RASSF9: variants seen among roughly 807,000 people sequenced by gnomAD.
RASSF9 encodes ras association domain-containing protein 9.
RASSF9 carries 18 observed loss-of-function variants against 21.4 expected under a neutral mutation model. That is an observed-to-expected ratio of 0.84 (90% CI 0.58 to 1.25). The LOEUF (loss-of-function observed/expected upper bound fraction) is 1.25. RASSF9 is among the 50% of genes most tolerant of loss of function. RASSF9 has a pLI of 0.00. For missense variants in RASSF9, 480 were observed against 503.2 expected, an observed-to-expected ratio of 0.95 and a Z score of 0.44; for synonymous variants, 183 against 179.1, an observed-to-expected ratio of 1.02 and a Z score of -0.18.
Position 85,811,493 on chromosome 12 carries a change from C to G in RASSF9, c.48-5531G>C, listed in dbSNP as rs564451048. Among the ~76,000 whole-genome samples the G allele has an allele frequency of 2.6e-5, 4 of 151,932 alleles. No individual in the cohort carries two copies. In the East Asian group the frequency reaches 7.7e-4, roughly 29 times the overall value. On this transcript the variant is annotated intron_variant, in intron 1 of 1. Transcript: ENST00000361228. ...GGATTATGGGATTCCAAATTTATTACTCCTGTGTTACATTATAGAGGAAAA... is the reference window on the plus strand; with the variant it reads ...GGATTATGGGATTCCAAATTTATTAGTCCTGTGTTACATTATAGAGGAAAA...
intron 1 of RASSF9, among the ~76,000 whole-genome samples, chr12:85,808,936 A>G: frequency 6.6e-6 from 1 of 152,274 alleles, no homozygotes; most frequent in African/African-American, 2.4e-5. Context: ...TTAAATTCTA[A>G]AAGAAACCCT....
At chr12:85,808,908 A>AT (rs1349886811) in intron 1 of RASSF9, among the ~76,000 whole-genome samples, 2 of 152,084 alleles carry the variant, frequency 1.3e-5, no homozygotes, top group South Asian at 2.1e-4. Flanking sequence ...GTTTTATGTT[A>AT]TTTTTTGGTA....
rs373281824 is a variant in RASSF9 at position 85,833,700 on chromosome 12, T to C, written c.47+2455A>G. 3.9e-5 allele frequency among the ~76,000 whole-genome samples: 6 copies of C among 152,116 alleles called. No homozygotes were observed. The South Asian group carries it at 6.2e-4, about 16-fold the overall frequency. On this transcript the variant is annotated intron_variant, in intron 1 of 1. Transcript: ENST00000361228. ...TCTAACAGTTCATATATTTTCCTGC[T>C]GATAAAGATGCAATTATGCTCAAGT...
chr12:85,805,228 C>T lies in RASSF9; in HGVS notation c.782G>A (p.Ser261Asn), dbSNP rs1190556877. Reference protein sequence around the residue: ...YEENQTLEDLSESDGIEQLEE... With the variant: ...YEENQTLEDLNESDGIEQLEE... ...CAGCTGTTCAATTCCATCACTTTCG[C>T]TCAGGTCCTCCAGAGTCTGGTTTTC... The change falls in exon 2 of 2, where the codon AGC (serine) becomes AAC (asparagine). Residue 261 changes from serine to asparagine, a missense_variant. By Grantham distance (46) the Ser-to-Asn change is conservative. Coordinates refer to ENST00000361228, the MANE Select transcript of RASSF9 (RefSeq NM_005447.4). The T allele has an allele frequency of 6.2e-7, 1 of 1,613,782 alleles. No homozygotes were observed.
At chr12:85,807,743 T>G (rs1360724796) in intron 1 of RASSF9, among the ~76,000 whole-genome samples, 1 of 152,004 alleles carries the variant, frequency 6.6e-6, no homozygotes. Flanking sequence ...AAAAAACACT[T>G]CAGTTCTCTG....
intron 1 of RASSF9, among the ~76,000 whole-genome samples, chr12:85,821,231 G>GA (rs1317498563): frequency 6.6e-6 from 1 of 152,088 alleles, no homozygotes; most frequent in Non-Finnish European, 1.5e-5. Context: ...AATCACCTCA[G>GA]AAAAAATGAA....
At chr12:85,819,412 T>C (rs1182280777) in intron 1 of RASSF9, among the ~76,000 whole-genome samples, 1 of 152,132 alleles carries the variant, frequency 6.6e-6, no homozygotes, top group Non-Finnish European at 1.5e-5. Flanking sequence ...AATACGAAAA[T>C]TTAAAATGAC....
At chr12:85,825,736 T>C (rs1470377033) in intron 1 of RASSF9, among the ~76,000 whole-genome samples, 1 of 152,126 alleles carries the variant, frequency 6.6e-6, no homozygotes, top group Non-Finnish European at 1.5e-5. Flanking sequence ...ACAAGTTTTC[T>C]CTGTACCATT....
At chr12:85,815,759 T>C (rs1880050782) in intron 1 of RASSF9, among the ~76,000 whole-genome samples, 1 of 152,136 alleles carries the variant, frequency 6.6e-6, no homozygotes, top group South Asian at 2.1e-4. Context: ...AAGTATCTGT[T>C]CATGTCATTG....
At chr12:85,810,966 A>C (rs889586620) in intron 1 of RASSF9, among the ~76,000 whole-genome samples, 1 of 151,782 alleles carries the variant, frequency 6.6e-6, no homozygotes, top group African/African-American at 2.4e-5. Context: ...ACATTGCTTT[A>C]TTTTGTTTCT....
chr12:85,806,753 T>A (rs1879846419), intron 1 of RASSF9, among the ~76,000 whole-genome samples: 1 of 150,370 alleles, frequency 6.7e-6, no homozygotes, highest in African/African-American at 2.4e-5. Context: ...AGAATCTTAA[T>A]TATCTTTTTA....
intron 1 of RASSF9, among the ~76,000 whole-genome samples, chr12:85,819,043 T>C (rs528580001): frequency 6.6e-6 from 1 of 151,942 alleles, no homozygotes; most frequent in South Asian, 2.1e-4. Flanking sequence ...GAATTGCCCG[T>C]TCAATTCAGA....
chr12:85,835,290 A>T (rs114650036), intron 1 of RASSF9, among the ~76,000 whole-genome samples: 4,174 of 152,196 alleles, frequency 0.027, 212 homozygotes, highest in African/African-American at 0.094. Flanking sequence ...ATATATTTTT[A>T]AAAAAATATA....
At chr12:85,809,668 AATGATG>A (rs112741704) in intron 1 of RASSF9, among the ~76,000 whole-genome samples, 5,131 of 139,230 alleles carry the variant, frequency 0.037, 154 homozygotes, top group African/African-American at 0.086. Context: ...GAATAGTAAT[AATGATG>A]ATGATGATGA....
intron 1 of RASSF9, among the ~76,000 whole-genome samples, chr12:85,816,872 C>G (rs1381973010): frequency 6.6e-6 from 1 of 151,992 alleles, no homozygotes; most frequent in Non-Finnish European, 1.5e-5. Context: ...GAATGAGGTC[C>G]AGCCTACTGA....
intron 1 of RASSF9, among the ~76,000 whole-genome samples, chr12:85,828,137 A>G (rs1001132126): frequency 1.3e-5 from 2 of 152,294 alleles, no homozygotes; most frequent in African/African-American, 4.8e-5. Flanking sequence ...CTGATTTATC[A>G]TTAATACTTC....
At chr12:85,826,770 T>A (rs1880343795) in intron 1 of RASSF9, among the ~76,000 whole-genome samples, 1 of 152,158 alleles carries the variant, frequency 6.6e-6, no homozygotes, top group African/African-American at 2.4e-5. Context: ...TTAAATATAT[T>A]TCTTCAAGTT....
chr12:85,818,804 C>A (rs1161491405), intron 1 of RASSF9, among the ~76,000 whole-genome samples: 2,278 of 151,682 alleles, frequency 0.015, 38 homozygotes, highest in South Asian at 0.027. Context: ...ACTAAAAACA[C>A]ATAAATTAGC....
chr12:85,822,150 A>C (rs1880226115), intron 1 of RASSF9, among the ~76,000 whole-genome samples: 1 of 152,188 alleles, frequency 6.6e-6, no homozygotes, highest in African/African-American at 2.4e-5. Context: ...GCTATTAGTA[A>C]GAGATTTTCT....
Sources: gnomAD v4.1 joint callset for allele counts (sites outside exome capture counted in the v4.1 genomes callset) on GRCh38, gnomAD v4.1.1 for gene constraint, MANE v1.5 for transcripts, NCBI Gene and HGNC (gene_info 2026-07-23, HGNC 2026-07-21) for gene names.